Variants in ZNF600 observed in about 807,000 individuals in gnomAD.
The protein encoded by ZNF600 is zinc finger protein KR-ZNF1.
Under a neutral mutation model 7.3 loss-of-function variants are expected in ZNF600, and 4 were observed. That is an observed-to-expected ratio of 0.55 (90% CI 0.27 to 1.25). The LOEUF (loss-of-function observed/expected upper bound fraction) is 1.25, where lower values mean the gene tolerates loss of function less well. Ranked by LOEUF, ZNF600 falls within the 50% of genes most tolerant of loss-of-function variation. The pLI, the probability that ZNF600 is intolerant of heterozygous loss-of-function variation, is 0.12. For synonymous variants in ZNF600, 290 were observed against 308.9 expected (o/e 0.94, Z 0.64); for missense variants, 911 against 922.1 (o/e 0.99, Z 0.16).
the ZNF600 span, among the ~76,000 whole-genome samples, chr19:52,824,795 A>AG: frequency 6.6e-6 from 1 of 152,174 alleles, no homozygotes; most frequent in Non-Finnish European, 1.5e-5. Flanking sequence ...AAGTTCCAAC[A>AG]GAACATAACC....
At chr19:52,793,808 ACACACACAC>A in the ZNF600 span, among the ~76,000 whole-genome samples, 1 of 116,064 alleles carries the variant, frequency 8.6e-6, no homozygotes, top group African/African-American at 3.3e-5. Flanking sequence ...ACACACACAC[ACACACACAC>A]AAAAGTGATG....
the ZNF600 span, among the ~76,000 whole-genome samples, chr19:52,811,461 C>G: frequency 6.9e-6 from 1 of 145,642 alleles, no homozygotes; most frequent in Non-Finnish European, 1.5e-5. Flanking sequence ...GCCTCTTCCC[C>G]GCCGCCATCC....
the ZNF600 span, among the ~76,000 whole-genome samples, chr19:52,832,757 C>T: frequency 6.6e-6 from 1 of 151,992 alleles, no homozygotes; most frequent in Non-Finnish European, 1.5e-5. Context: ...TACAGAGCGA[C>T]ATTTTCTCTC....
the ZNF600 span, among the ~76,000 whole-genome samples, chr19:52,824,974 G>A: frequency 2.0e-5 from 3 of 152,138 alleles, no homozygotes; most frequent in African/African-American, 7.2e-5. Context: ...GTGCACACCT[G>A]TAGTTCCAGC....
At chr19:52,811,939 CGCCTCTGCCCGGCCGCCCCT>C in the ZNF600 span, among the ~76,000 whole-genome samples, 30 of 75,790 alleles carry the variant, frequency 4.0e-4, 5 homozygotes, top group African/African-American at 1.8e-3. Context: ...AGGTGAGGGG[CGCCTCTGCCCGGCCGCCCCT>C]ACTGGGAAGT....
chr19:52,807,955 A>T, the ZNF600 span: 1 of 1,609,990 alleles, frequency 6.2e-7, no homozygotes, highest in Non-Finnish European at 8.5e-7. Context: ...AAGAGGCAAC[A>T]AGAGAAAATA....
the ZNF600 span, among the ~76,000 whole-genome samples, chr19:52,831,775 A>G: frequency 1.3e-5 from 2 of 152,016 alleles, no homozygotes; most frequent in Non-Finnish European, 2.9e-5. Context: ...AAGTGCTGGG[A>G]TTACAGGCAT....
the ZNF600 span, among the ~76,000 whole-genome samples, chr19:52,821,341 A>G: frequency 6.6e-6 from 1 of 152,180 alleles, no homozygotes; most frequent in South Asian, 2.1e-4. Flanking sequence ...TTTGAGCAGG[A>G]AAACTACGAG....
the ZNF600 span, among the ~76,000 whole-genome samples, chr19:52,793,165 TG>T: frequency 2.6e-5 from 4 of 152,218 alleles, no homozygotes; most frequent in Non-Finnish European, 5.9e-5. Context: ...CAGTGCATTT[TG>T]AACTATTACC....
the ZNF600 span, among the ~76,000 whole-genome samples, chr19:52,824,755 C>G: frequency 6.6e-5 from 10 of 152,140 alleles, no homozygotes; most frequent in African/African-American, 2.2e-4. Context: ...CACCAAAAAC[C>G]GTGAAAGCTG....
upstream of ZNF600, among the ~76,000 whole-genome samples, chr19:52,790,233 C>G (rs1156587092): frequency 2.6e-5 from 4 of 152,130 alleles, no homozygotes; most frequent in Non-Finnish European, 4.4e-5. Context: ...TACATGTGCC[C>G]CACGCCTTTA....
the ZNF600 span, among the ~76,000 whole-genome samples, chr19:52,806,231 T>C: frequency 1.3e-5 from 2 of 152,000 alleles, no homozygotes; most frequent in African/African-American, 4.8e-5. Context: ...TTTCACTCTG[T>C]CTCCCATGCT....
the ZNF600 span, chr19:52,810,505 A>T: frequency 6.3e-7 from 1 of 1,586,158 alleles, no homozygotes. Context: ...TATTTAGAGG[A>T]AGGCAAATCA....
intron 1 of ZNF600, among the ~76,000 whole-genome samples, chr19:52,782,014 T>C (rs2062726162): frequency 6.6e-6 from 1 of 151,906 alleles, no homozygotes; most frequent in Non-Finnish European, 1.5e-5. Flanking sequence ...TGAGACGAGA[T>C]CGTGCCACTG....
chr19:52,822,481 A>G, the ZNF600 span, among the ~76,000 whole-genome samples: 36 of 152,338 alleles, frequency 2.4e-4, no homozygotes, highest in African/African-American at 8.2e-4. Flanking sequence ...GGAAGAAATA[A>G]GAACTATTCT....
the ZNF600 span, chr19:52,797,455 T>C: frequency 6.6e-6 from 1 of 152,252 alleles, no homozygotes; most frequent in South Asian, 2.1e-4. Context: ...TGACATGATC[T>C]GTGAAGAAAA....
At chr19:52,808,175 T>C in the ZNF600 span, 4 of 1,605,794 alleles carry the variant, frequency 2.5e-6, no homozygotes, top group South Asian at 2.2e-5. Flanking sequence ...TATGGTGGAG[T>C]TCTTATCTTT....
chr19:52,770,974 C>T (rs767009295), intron 3 of ZNF600, among the ~76,000 whole-genome samples: 27 of 152,130 alleles, frequency 1.8e-4, no homozygotes, highest in Non-Finnish European at 2.8e-4. Context: ...GCTGGGATTA[C>T]AGGCATGTGC....
chr19:52,810,052 C>T, the ZNF600 span: 3 of 740,728 alleles, frequency 4.1e-6, no homozygotes, highest in Non-Finnish European at 7.3e-6. Flanking sequence ...CCCCGCGCCC[C>T]ATGCCTGGGA....
Sources: allele counts gnomAD v4.1 joint callset (sites outside exome capture counted in the v4.1 genomes callset), GRCh38; gene constraint gnomAD v4.1.1; transcripts MANE v1.5; gene names NCBI Gene and HGNC (gene_info 2026-07-23, HGNC 2026-07-21).